Variants in CACNA2D3 observed in about 807,000 individuals in gnomAD.
CACNA2D3 encodes calcium voltage-gated channel auxiliary subunit alpha2delta 3.
A neutral mutation model predicts 160.6 loss-of-function variants in CACNA2D3; 60 were observed. The ratio of observed to expected loss-of-function variants is 0.37; its 90% confidence interval spans 0.30 to 0.46. CACNA2D3 has a LOEUF of 0.46. CACNA2D3 is among the 20% of genes least tolerant of loss of function. The probability of loss-of-function intolerance (pLI) is 1.00; values close to 1 mark genes in which losing one functional copy is unlikely to be tolerated. For missense variants in CACNA2D3, 1,205 were observed against 1,365.0 expected (o/e 0.88, Z 1.85); for synonymous variants, 558 against 492.9 (o/e 1.13, Z -1.75).
At chr3:54,665,733 T>C (rs995750637) in intron 11 of CACNA2D3, among the ~76,000 whole-genome samples, 2 of 151,516 alleles carry the variant, frequency 1.3e-5, no homozygotes, top group African/African-American at 2.4e-5. Flanking sequence ...ACATTAATAG[T>C]AAGGGTTGTA....
intron 13 of CACNA2D3, among the ~76,000 whole-genome samples, chr3:54,803,081 A>T (rs939145685): frequency 9.9e-5 from 15 of 152,216 alleles, no homozygotes; most frequent in African/African-American, 3.4e-4. Flanking sequence ...ATCAAAGACC[A>T]AAAGTAGATA....
chr3:54,393,185 G>A (rs1279776249), intron 4 of CACNA2D3, among the ~76,000 whole-genome samples: 4 of 152,178 alleles, frequency 2.6e-5, no homozygotes, highest in African/African-American at 4.8e-5. Context: ...TGGAAAAAAG[G>A]TGAGCAAGAA....
At chr3:54,438,925 G>A (rs111343932) in intron 4 of CACNA2D3, among the ~76,000 whole-genome samples, 9 of 152,298 alleles carry the variant, frequency 5.9e-5, no homozygotes, top group African/African-American at 2.2e-4. Flanking sequence ...ATATTGGAAT[G>A]AATGAGCAAG....
At chr3:54,946,656 G>A (rs906234859) in intron 27 of CACNA2D3, among the ~76,000 whole-genome samples, 13 of 151,974 alleles carry the variant, frequency 8.6e-5, no homozygotes, top group Admixed American at 8.5e-4. Flanking sequence ...GAAGCTGGGT[G>A]CAAACCTGGG....
chr3:54,851,105 T>C (rs1699047474), intron 17 of CACNA2D3, among the ~76,000 whole-genome samples: 1 of 152,210 alleles, frequency 6.6e-6, no homozygotes, highest in African/African-American at 2.4e-5. Context: ...TTGTTTGTTG[T>C]TGTTGGTATT....
At chr3:54,460,773 G>C (rs879164496) in intron 4 of CACNA2D3, among the ~76,000 whole-genome samples, 1,968 of 151,852 alleles carry the variant, frequency 0.013, 44 homozygotes, top group African/African-American at 0.046. Flanking sequence ...TTATTTCCTT[G>C]TTCTGCCTAA....
intron 3 of CACNA2D3, among the ~76,000 whole-genome samples, chr3:54,370,754 T>TG (rs1698912268): frequency 6.6e-6 from 1 of 151,030 alleles, no homozygotes; most frequent in African/African-American, 2.4e-5. Context: ...TATAATTCAG[T>TG]GGGTTTTTTT....
intron 34 of CACNA2D3, among the ~76,000 whole-genome samples, chr3:55,014,257 G>T (rs1703277472): frequency 1.3e-5 from 2 of 152,086 alleles, no homozygotes; most frequent in Non-Finnish European, 2.9e-5. Flanking sequence ...GGTTTACTGT[G>T]TGAGTTAATG....
At chr3:54,744,939 C>T (rs977358993) in intron 11 of CACNA2D3, among the ~76,000 whole-genome samples, 2 of 152,196 alleles carry the variant, frequency 1.3e-5, no homozygotes, top group African/African-American at 4.8e-5. Flanking sequence ...CTCTCAAGAT[C>T]ACCAAGCCAG....
intron 11 of CACNA2D3, among the ~76,000 whole-genome samples, chr3:54,669,841 G>C (rs1228811677): frequency 6.6e-6 from 1 of 152,016 alleles, no homozygotes. Context: ...GTAGAGATGG[G>C]GTTTCACTGT....
intron 13 of CACNA2D3, among the ~76,000 whole-genome samples, chr3:54,778,875 T>C (rs767106261): frequency 4.6e-5 from 7 of 152,048 alleles, no homozygotes; most frequent in Non-Finnish European, 1.0e-4. Context: ...ATGTGATGAG[T>C]GGATGCATCT....
At chr3:54,134,007 C>T (rs549011954) in intron 2 of CACNA2D3, among the ~76,000 whole-genome samples, 4 of 152,232 alleles carry the variant, frequency 2.6e-5, no homozygotes, top group East Asian at 1.9e-4. Context: ...CAGGAAGTGC[C>T]GAGTAAATTT....
chr3:54,144,379 G>A (rs1699987908), intron 2 of CACNA2D3, among the ~76,000 whole-genome samples: 1 of 152,178 alleles, frequency 6.6e-6, no homozygotes, highest in Non-Finnish European at 1.5e-5. Context: ...TACTGATTAT[G>A]CCCCTCAGAG....
intron 37 of CACNA2D3, 121 bp downstream of exon 37, chr3:55,073,980 A>C (rs961975941): frequency 1.6e-5 from 17 of 1,073,618 alleles, no homozygotes; most frequent in Admixed American, 3.9e-5. Context: ...TTCATTCAGT[A>C]AACTGAATCT....
intron 5 of CACNA2D3, among the ~76,000 whole-genome samples, chr3:54,522,933 T>TTTATTTACTTAC (rs1252705201): frequency 3.3e-4 from 45 of 135,426 alleles, no homozygotes; most frequent in African/African-American, 8.4e-4. Context: ...TATTTATTTA[T>TTTATTTACTTAC]TTACTTACTT....
Position 54,776,677 on chromosome 3 carries a change from C to T in CACNA2D3, c.1380+12326C>T, listed in dbSNP as rs554802063. ...TCTGAGGTTTCTGTAACTTACAGCC[C>T]GGCTGAGCTCTGATCCTAACTCTCA... On this transcript the variant is annotated intron_variant, in intron 13 of 37. Coordinates refer to ENST00000474759, the MANE Select transcript of CACNA2D3 (RefSeq NM_018398.3). 3.9e-5 allele frequency among the ~76,000 whole-genome samples: 6 copies of T among 152,276 alleles called. No homozygotes were observed. In the South Asian group the frequency reaches 8.3e-4, roughly 21 times the overall value.
At chr3:54,232,097 G>A (rs1701780609) in intron 2 of CACNA2D3, among the ~76,000 whole-genome samples, 1 of 152,224 alleles carries the variant, frequency 6.6e-6, no homozygotes, top group Non-Finnish European at 1.5e-5. Flanking sequence ...GTGTATATGT[G>A]CATATACTTT....
intron 11 of CACNA2D3, among the ~76,000 whole-genome samples, chr3:54,729,998 CAAAAAAAAAA>C (rs56364535): frequency 1.8e-5 from 2 of 109,488 alleles, no homozygotes; most frequent in East Asian, 5.6e-4. Context: ...GACTCCATCT[CAAAAAAAAAA>C]AAAAAAAAAA....
intron 3 of CACNA2D3, among the ~76,000 whole-genome samples, chr3:54,346,911 C>T (rs1575408050): frequency 1.3e-5 from 2 of 152,152 alleles, no homozygotes; most frequent in East Asian, 3.8e-4. Flanking sequence ...ATAAAATGTG[C>T]ACAACATAAA....
Sources: gnomAD v4.1 joint callset for allele counts (sites outside exome capture counted in the v4.1 genomes callset) on GRCh38, gnomAD v4.1.1 for gene constraint, MANE v1.5 for transcripts, NCBI Gene and HGNC (gene_info 2026-07-23, HGNC 2026-07-21) for gene names.